The following GRIA4 variants were observed in gnomAD, a reference collection of about 807,000 sequenced individuals.
The protein encoded by GRIA4 is glutamate ionotropic receptor AMPA type subunit 4, also known as glutamate receptor 4.
Under a neutral mutation model 104.0 loss-of-function variants are expected in GRIA4, and 34 were observed. The observed-to-expected ratio is 0.33, with a 90% CI of 0.25 to 0.44. The LOEUF (loss-of-function observed/expected upper bound fraction) is 0.44. Ranked by LOEUF, GRIA4 falls within the 20% of genes least tolerant of loss-of-function variation. The pLI is 1.00. For synonymous variants in GRIA4, 386 were observed against 381.9 expected (o/e 1.01, Z -0.13); for missense variants, 750 against 1,096.5 (o/e 0.68, Z 4.46).
intron 3 of GRIA4, among the ~76,000 whole-genome samples, chr11:105,655,029 G>T (rs7102566): frequency 0.51 from 77,992 of 151,910 alleles, 20,350 homozygotes; most frequent in Admixed American, 0.61. Flanking sequence ...TGGCAACCAG[G>T]AGAAGGAAAA....
At chr11:105,625,169 T>A (rs1950854636) in intron 3 of GRIA4, among the ~76,000 whole-genome samples, 1 of 152,070 alleles carries the variant, frequency 6.6e-6, no homozygotes, top group African/African-American at 2.4e-5. Flanking sequence ...ATAGATAACC[T>A]GTCAACACTG....
intron 4 of GRIA4, among the ~76,000 whole-genome samples, chr11:105,762,187 C>T (rs778913088): frequency 5.9e-5 from 9 of 152,096 alleles, no homozygotes; most frequent in African/African-American, 1.2e-4. Flanking sequence ...TGATGCCTGG[C>T]TAATTTTTGT....
intron 4 of GRIA4, among the ~76,000 whole-genome samples, chr11:105,774,966 A>G (rs1419296315): frequency 1.3e-5 from 2 of 152,144 alleles, no homozygotes; most frequent in African/African-American, 2.4e-5. Context: ...AGAAGGAAAA[A>G]TTAGTTTCGC....
chr11:105,794,512 T>TATATATATATATAC (rs1313325715), intron 4 of GRIA4, among the ~76,000 whole-genome samples: 16 of 106,904 alleles, frequency 1.5e-4, no homozygotes, highest in Middle Eastern at 5.0e-3. Flanking sequence ...TATATATATA[T>TATATATATATATAC]ACATATACAC....
intron 9 of GRIA4, among the ~76,000 whole-genome samples, chr11:105,909,531 C>T (rs191663158): frequency 6.6e-5 from 10 of 152,112 alleles, no homozygotes; most frequent in African/African-American, 4.8e-5. Context: ...ATTTAGCCTT[C>T]TAAAATGAAT....
chr11:105,719,754 C>T (rs1937658241), intron 3 of GRIA4, among the ~76,000 whole-genome samples: 1 of 150,212 alleles, frequency 6.7e-6, no homozygotes, highest in African/African-American at 2.5e-5. Flanking sequence ...CGTTCAGGCT[C>T]TATAGGGAAA....
At chr11:105,957,258 T>A (rs2136251964) in intron 14 of GRIA4, among the ~76,000 whole-genome samples, 1 of 152,350 alleles carries the variant, frequency 6.6e-6, no homozygotes. Context: ...AACATGTAAG[T>A]CTTTAATCCA....
At chr11:105,682,374 C>T (rs576125804) in intron 3 of GRIA4, among the ~76,000 whole-genome samples, 78 of 152,124 alleles carry the variant, frequency 5.1e-4, no homozygotes, top group Non-Finnish European at 7.1e-4. Context: ...ACATGCACCA[C>T]TGTTCCCTGT....
intron 4 of GRIA4, among the ~76,000 whole-genome samples, chr11:105,780,560 G>A (rs1197629382): frequency 6.6e-6 from 1 of 151,718 alleles, no homozygotes; most frequent in African/African-American, 2.4e-5. Context: ...TACAAAGGAG[G>A]ACAAGACTAA....
At chr11:105,891,118 C>G (rs1237288236) in intron 6 of GRIA4, among the ~76,000 whole-genome samples, 2 of 152,112 alleles carry the variant, frequency 1.3e-5, no homozygotes, top group African/African-American at 2.4e-5. Context: ...CCTAGACTTT[C>G]TCTTTCCTAG....
intron 4 of GRIA4, among the ~76,000 whole-genome samples, chr11:105,788,905 T>C (rs549293122): frequency 6.6e-6 from 1 of 152,274 alleles, no homozygotes; most frequent in East Asian, 1.9e-4. Flanking sequence ...AAAATATATT[T>C]ATATGAAGAC....
chr11:105,913,290 G>GTTTTATGTAATGTAATGTA (rs1272433168), intron 10 of GRIA4: 6 of 563,150 alleles, frequency 1.1e-5, no homozygotes, highest in Non-Finnish European at 4.5e-6. Context: ...TGTAGTGTTA[G>GTTTTATGTAATGTAATGTA]CTTTTATGGC....
At chr11:105,767,993 A>G (rs1941030989) in intron 4 of GRIA4, among the ~76,000 whole-genome samples, 1 of 152,120 alleles carries the variant, frequency 6.6e-6, no homozygotes, top group African/African-American at 2.4e-5. Context: ...AACATTATAC[A>G]GCTATGGGCA....
At chr11:105,819,366 C>G (rs184838057) in intron 4 of GRIA4, among the ~76,000 whole-genome samples, 1 of 152,178 alleles carries the variant, frequency 6.6e-6, no homozygotes, top group African/African-American at 2.4e-5. Context: ...GATCATGAGC[C>G]TATTTTGGTG....
intron 4 of GRIA4, among the ~76,000 whole-genome samples, chr11:105,811,044 G>A (rs561181956): frequency 6.6e-6 from 1 of 152,240 alleles, no homozygotes; most frequent in African/African-American, 2.4e-5. Context: ...GATGAGTGGA[G>A]GGAGAGGGTT....
chr11:105,826,597 A>G (rs1185326630), intron 4 of GRIA4, among the ~76,000 whole-genome samples: 1 of 152,052 alleles, frequency 6.6e-6, no homozygotes, highest in African/African-American at 2.4e-5. Flanking sequence ...TTCACCTTTA[A>G]CAAGAATTGC....
chr11:105,851,884 G>T (rs1238147627), intron 4 of GRIA4, among the ~76,000 whole-genome samples: 1 of 151,944 alleles, frequency 6.6e-6, no homozygotes, highest in Non-Finnish European at 1.5e-5. Context: ...ATTACTTCTT[G>T]TCTGCCTCAG....
intron 5 of GRIA4, among the ~76,000 whole-genome samples, chr11:105,863,078 C>T (rs1038658865): frequency 2.6e-5 from 4 of 152,094 alleles, no homozygotes; most frequent in Non-Finnish European, 4.4e-5. Flanking sequence ...TATAGCTTAA[C>T]TGCATAATTA....
At chr11:105,672,149 G>A (rs987670083) in intron 3 of GRIA4, among the ~76,000 whole-genome samples, 1 of 152,104 alleles carries the variant, frequency 6.6e-6, no homozygotes, top group Non-Finnish European at 1.5e-5. Flanking sequence ...ATGGTGAAAG[G>A]TTATAAAAAT....
Sources: gnomAD v4.1 joint callset for allele counts (sites outside exome capture counted in the v4.1 genomes callset) on GRCh38, gnomAD v4.1.1 for gene constraint, MANE v1.5 for transcripts, NCBI Gene and HGNC (gene_info 2026-07-23, HGNC 2026-07-21) for gene names.